SENP6: variants seen among roughly 807,000 people sequenced by gnomAD.
SENP6 encodes the protein SUMO specific peptidase 6.
Under a neutral mutation model 134.5 loss-of-function variants are expected in SENP6, and 41 were observed. That is an observed-to-expected ratio of 0.30 (90% confidence interval 0.24 to 0.40). SENP6 has a LOEUF of 0.40. SENP6 is among the 10% of genes least tolerant of loss of function. The pLI, the probability that SENP6 is intolerant of heterozygous loss-of-function variation, is 1.00. For missense variants in SENP6, 1,248 were observed against 1,312.5 expected, an observed-to-expected ratio of 0.95 and a Z score of 0.76; for synonymous variants, 395 against 429.8, an observed-to-expected ratio of 0.92 and a Z score of 1.00.
intron 6 of SENP6, 100 bp from the exon 7 acceptor site, chr6:75,647,631 G>C: frequency 1.6e-6 from 1 of 624,362 alleles, no homozygotes; most frequent in African/African-American, 1.9e-5. Flanking sequence ...AAGAAGCTAT[G>C]ATTTGCTTTT....
chr6:75,643,800 G>A (rs1770213206), intron 6 of SENP6, among the ~76,000 whole-genome samples: 1 of 152,086 alleles, frequency 6.6e-6, no homozygotes, highest in African/African-American at 2.4e-5. Context: ...AGTTAAATAG[G>A]AATAATGAAT....
rs550031341 is a variant in SENP6 at position 75,670,644 on chromosome 6, C to T, written c.1316C>T (p.Ser439Phe). ...PDALALSCQS[S>F]FDSVILNCRS... ...GCTTTAGCTTTAAGCTGCCAAAGTT[C>T]CTTTGACAGTGTCATTTTAAACTGT... The change falls in exon 11 of 24, where the codon TCC (serine) becomes TTC (phenylalanine). Residue 439 changes from serine (S) to phenylalanine (F), a missense_variant. By Grantham distance (155) the Ser-to-Phe change is radical (BLOSUM62 -2). Around this residue, in one of 3 missense-constraint regions of SENP6, gnomAD observed 733 missense variants for 725.4 expected, o/e 1.01. Coordinates refer to ENST00000447266, the MANE Select transcript of SENP6 (RefSeq NM_015571.4). The T allele has an allele frequency of 2.4e-4, 380 of 1,612,898 alleles. 11 individuals carry two copies. The South Asian group carries it at 3.5e-3, about 15-fold the overall frequency.
At chr6:75,709,783 A>G (rs1383121246) in intron 20 of SENP6, among the ~76,000 whole-genome samples, 153 bp downstream of exon 20, 1 of 152,182 alleles carries the variant, frequency 6.6e-6, no homozygotes, top group Non-Finnish European at 1.5e-5. Context: ...CAGCCTGGGC[A>G]ACATAAGGAA....
chr6:75,605,725 A>G (rs1446013829), intron 1 of SENP6, among the ~76,000 whole-genome samples: 1 of 152,212 alleles, frequency 6.6e-6, no homozygotes, highest in East Asian at 1.9e-4. Flanking sequence ...TAATTTTTAT[A>G]TCTTTCTCAG....
chr6:75,631,863 A>T (rs898184063), intron 3 of SENP6, among the ~76,000 whole-genome samples: 8 of 152,066 alleles, frequency 5.3e-5, no homozygotes, highest in Non-Finnish European at 1.2e-4. Context: ...CCCCTTAAAG[A>T]CTCCCAGTGA....
intron 11 of SENP6, among the ~76,000 whole-genome samples, chr6:75,674,669 A>T (rs1281912396): frequency 6.6e-6 from 1 of 152,204 alleles, no homozygotes; most frequent in Non-Finnish European, 1.5e-5. Flanking sequence ...CAGTTAACAC[A>T]TTCCTTTCAG....
At chr6:75,685,191 T>C (rs1296808680) in intron 16 of SENP6, among the ~76,000 whole-genome samples, 1 of 152,114 alleles carries the variant, frequency 6.6e-6, no homozygotes, top group Non-Finnish European at 1.5e-5. Context: ...TGCATAGAGG[T>C]GTTTATTCTC....
chr6:75,602,300 CGG>C lies in SENP6; in HGVS notation c.-223_-222del. On this transcript the variant is annotated 5_prime_UTR_variant, in exon 1 of 24. Transcript: ENST00000447266. ...TTCCCCCGGAGAGGCCTGAGAAGCT[CGG>C]GCCGCGGGCCTCGCTGCCCGCCAGC... is the stretch of plus-strand genomic sequence containing the variant. The C allele has an allele frequency of 2.2e-6, 1 of 457,514 alleles. No homozygotes were observed. The allele number at this position is 457,514 out of a possible 1,614,324, so 28.3% of individuals were successfully genotyped here.
At chr6:75,657,868 G>A (rs1220419134) in intron 7 of SENP6, among the ~76,000 whole-genome samples, 2 of 152,170 alleles carry the variant, frequency 1.3e-5, no homozygotes, top group African/African-American at 4.8e-5. Flanking sequence ...ATATGTGAGG[G>A]TAAAAGAGAG....
chr6:75,674,447 G>C lies in SENP6; in HGVS notation c.1393-988G>C, dbSNP rs144168600. On this transcript the variant is annotated intron_variant, in intron 11 of 23. Coordinates refer to ENST00000447266, the MANE Select transcript of SENP6 (RefSeq NM_015571.4). ...AGCGATTCTCCTGCCTCAGCCTCCTGAGTAGCTGGGATTACAGGCATGCAT... is the reference window on the plus strand; with the variant it reads ...AGCGATTCTCCTGCCTCAGCCTCCTCAGTAGCTGGGATTACAGGCATGCAT... Among the ~76,000 whole-genome samples, 1,054 of 152,156 alleles carry C rather than the reference G, an allele frequency of 6.9e-3. 13 individuals carry two copies. The highest frequency in any genetic ancestry group is 0.025 in the African/African-American group (1,020 of 41,508).
intron 1 of SENP6, among the ~76,000 whole-genome samples, chr6:75,618,567 T>C (rs1768023832): frequency 6.6e-6 from 1 of 152,210 alleles, no homozygotes; most frequent in East Asian, 1.9e-4. Flanking sequence ...GAATGGTATT[T>C]AGAAACCAAG....
intron 23 of SENP6, 59 bp from the exon 24 acceptor site, chr6:75,715,326 G>T: frequency 8.0e-7 from 1 of 1,245,824 alleles, no homozygotes; most frequent in South Asian, 1.3e-5. Flanking sequence ...ATGTTTCTGT[G>T]ATTGAAATGA....
intron 7 of SENP6, among the ~76,000 whole-genome samples, chr6:75,652,352 A>G (rs1171966040): frequency 6.6e-6 from 1 of 151,896 alleles, no homozygotes; most frequent in African/African-American, 2.4e-5. Context: ...TTTTTTTTAA[A>G]TAAATGTGCA....
intron 7 of SENP6, among the ~76,000 whole-genome samples, chr6:75,652,134 G>A (rs187307969): frequency 1.4e-3 from 217 of 152,008 alleles, no homozygotes; most frequent in Admixed American, 4.0e-3. Context: ...CCACAATCGC[G>A]CCACTGTCCT....
intron 8 of SENP6, 110 bp from the exon 9 acceptor site, chr6:75,663,111 C>G: frequency 9.6e-7 from 1 of 1,042,162 alleles, no homozygotes; most frequent in Non-Finnish European, 1.4e-6. Context: ...TCTTTTATTT[C>G]TTTTGTTCTT....
intron 1 of SENP6, among the ~76,000 whole-genome samples, chr6:75,607,691 G>A (rs1296075592): frequency 6.6e-6 from 1 of 151,750 alleles, no homozygotes; most frequent in Non-Finnish European, 1.5e-5. Flanking sequence ...TTCCTTTATG[G>A]ACCTTGTCTA....
chr6:75,666,277 A>G lies in SENP6; in HGVS notation c.995-435A>G, dbSNP rs973784807. ...ATACGATATATATAAAATATATATT[A>G]TATATATATACTTGACTACATGGAG... On this transcript the variant is annotated intron_variant, in intron 9 of 23. Coordinates refer to ENST00000447266, the MANE Select transcript of SENP6 (RefSeq NM_015571.4). Among the ~76,000 whole-genome samples the G allele has an allele frequency of 5.7e-4, 84 of 147,364 alleles. 2 individuals carry two copies. The highest frequency in any genetic ancestry group is 1.9e-3 in the Admixed American group (28 of 14,638).
At chr6:75,711,747 A>C (rs900813233) in intron 21 of SENP6, among the ~76,000 whole-genome samples, 5 of 152,220 alleles carry the variant, frequency 3.3e-5, no homozygotes, top group Non-Finnish European at 7.3e-5. Flanking sequence ...ATCCCAGCTC[A>C]CCACAACCTC....
intron 21 of SENP6, among the ~76,000 whole-genome samples, chr6:75,711,724 G>A (rs1041363759): frequency 3.3e-5 from 5 of 152,156 alleles, no homozygotes; most frequent in Admixed American, 1.3e-4. Context: ...CCAGGCTGGA[G>A]TGCAGTGGCA....
Sources: allele counts gnomAD v4.1 joint callset (sites outside exome capture counted in the v4.1 genomes callset), GRCh38; gene constraint gnomAD v4.1.1; regional missense constraint gnomAD v4.1.1; transcripts MANE v1.5; gene names NCBI Gene and HGNC (gene_info 2026-07-23, HGNC 2026-07-21).